The following ADAMTS12 variants were observed in gnomAD, a reference collection of about 807,000 sequenced individuals.
ADAMTS12 encodes the protein A disintegrin and metalloproteinase with thrombospondin motifs 12.
Under a neutral mutation model 167.8 loss-of-function variants are expected in ADAMTS12, and 118 were observed. The observed-to-expected ratio is 0.70, with a 90% CI of 0.61 to 0.82. The LOEUF (loss-of-function observed/expected upper bound fraction) is 0.82, where lower values mean the gene tolerates loss of function less well. Ranked by LOEUF, ADAMTS12 falls within the 40% of genes least tolerant of loss-of-function variation. ADAMTS12 has a pLI of 0.00. For synonymous variants in ADAMTS12, 704 were observed against 716.9 expected, an observed-to-expected ratio of 0.98 and a Z score of 0.29; for missense variants, 1,916 against 1,998.8, an observed-to-expected ratio of 0.96 and a Z score of 0.79.
chr5:33,779,815 G>A (rs1746054497), intron 2 of ADAMTS12, among the ~76,000 whole-genome samples: 1 of 152,198 alleles, frequency 6.6e-6, no homozygotes, highest in South Asian at 2.1e-4. Context: ...AAGGCTGGAG[G>A]ATGAGGGCCA....
rs780799420 is a variant in ADAMTS12, at chr5:33,643,363, G to A, written c.1572+15C>T. The A allele has an allele frequency of 1.7e-5, 28 of 1,613,506 alleles. No individual in the cohort carries two copies. The East Asian group carries it at 5.1e-4, about 30-fold the overall frequency. On this transcript the variant is annotated intron_variant, in intron 10 of 23. Transcript: ENST00000504830. ...CCACCGCCCTCCCACCTCATTCCTC[G>A]GCCTGACGCATCACCTTCTTCTCAC...
At chr5:33,815,173 A>C (rs115056777) in intron 2 of ADAMTS12, among the ~76,000 whole-genome samples, 418 of 152,328 alleles carry the variant, frequency 2.7e-3, no homozygotes, top group African/African-American at 9.7e-3. Flanking sequence ...GCAGGCTAGC[A>C]TCTCTTCCCT....
intron 2 of ADAMTS12, among the ~76,000 whole-genome samples, chr5:33,879,248 C>T (rs1416734244): frequency 6.6e-6 from 1 of 152,056 alleles, no homozygotes; most frequent in Non-Finnish European, 1.5e-5. Context: ...CACACTAGGT[C>T]TGAAGTGCAG....
rs1056367482 is a variant in ADAMTS12, at chr5:33,731,412, G to T, written c.634+19992C>A. ...AGACGACAGCCATGTACACAGCACA[G>T]GAGGCTCTCCTGCTGCCTCATCATG... On this transcript the variant is annotated intron_variant, in intron 3 of 23. Coordinates refer to ENST00000504830, the MANE Select transcript of ADAMTS12 (RefSeq NM_030955.4). 3.9e-5 allele frequency among the ~76,000 whole-genome samples: 6 copies of T among 152,168 alleles called. No individual in the cohort carries two copies. The East Asian group carries it at 1.2e-3, about 29-fold the overall frequency.
chr5:33,641,950 A>G lies in ADAMTS12; in HGVS notation c.1578T>C (p.Cys526=). The change falls in exon 11 of 24, where the codon TGT becomes TGC. Residue 526 remains cysteine, a synonymous_variant. Coordinates refer to ENST00000504830, the MANE Select transcript of ADAMTS12 (RefSeq NM_030955.4). ...DGTQCGEKKW[C]MAGKCITVGK... is the part of the protein sequence containing the mutation. ...CCACTGTGATGCACTTGCCTGCCATACACCACTGGAAAGGGAAGAGGCAGG... is the reference window on the plus strand; with the variant it reads ...CCACTGTGATGCACTTGCCTGCCATGCACCACTGGAAAGGGAAGAGGCAGG... 1 of 1,611,592 alleles carries G rather than the reference A, an allele frequency of 6.2e-7. No homozygotes were observed. The highest frequency in any genetic ancestry group is 1.1e-5 in the South Asian group (1 of 90,788).
intron 19 of ADAMTS12, among the ~76,000 whole-genome samples, chr5:33,561,768 G>A (rs776062921): frequency 1.4e-4 from 21 of 152,180 alleles, no homozygotes; most frequent in Non-Finnish European, 5.9e-5. Context: ...GTGCCAGGGT[G>A]AGATCCTGTC....
chr5:33,751,178 T>G (rs1211756766), intron 3 of ADAMTS12: 1 of 543,916 alleles, frequency 1.8e-6, no homozygotes, highest in Non-Finnish European at 3.2e-6. Context: ...TCATTAAGAA[T>G]ATGCAGAGAC....
chr5:33,726,213 A>G lies in ADAMTS12; in HGVS notation c.634+25191T>C, dbSNP rs551825939. On this transcript the variant is annotated intron_variant, in intron 3 of 23. Transcript: ENST00000504830. ...AAATGCAGCAATCTGGTTGGAAGGG[A>G]AAGTGTCCAGGGGACTAATCATGCC... Among the ~76,000 whole-genome samples, 8 of 152,290 alleles carry G rather than the reference A, an allele frequency of 5.3e-5. 1 individual carries two copies. Among genetic ancestry groups the G allele is most frequent in the Middle Eastern group, 3.4e-3 (1 of 294 alleles).
At chr5:33,811,775 G>A (rs1345851166) in intron 2 of ADAMTS12, among the ~76,000 whole-genome samples, 1 of 152,188 alleles carries the variant, frequency 6.6e-6, no homozygotes, top group African/African-American at 2.4e-5. Flanking sequence ...AAATAAAGTA[G>A]AAGCTGAGAA....
chr5:33,651,162 T>C (rs1740856077), intron 7 of ADAMTS12, among the ~76,000 whole-genome samples: 1 of 152,196 alleles, frequency 6.6e-6, no homozygotes. Flanking sequence ...AGGTTTTCCC[T>C]AGCCTGCTAC....
intron 2 of ADAMTS12, among the ~76,000 whole-genome samples, chr5:33,796,539 T>G (rs934197464): frequency 3.3e-5 from 5 of 152,224 alleles, no homozygotes; most frequent in Non-Finnish European, 7.3e-5. Context: ...CTTCTCTTCT[T>G]ATAGGCAGAT....
In ADAMTS12 at chr5:33,651,171, A is replaced by G. The variant is rs545714907; in HGVS notation, c.1191-1474T>C. Among the ~76,000 whole-genome samples, 23 of 152,338 alleles carry G rather than the reference A, an allele frequency of 1.5e-4. No individual in the cohort carries two copies. In the South Asian group the frequency reaches 4.8e-3, roughly 32 times the overall value. On this transcript the variant is annotated intron_variant, in intron 7 of 23. Transcript: ENST00000504830. ...CTGAGCAGGTTTTCCCTAGCCTGCT[A>G]CAAATCCAGCCCCACCCAGAGCATG...
chr5:33,665,706 TGAA>T (rs376280696), intron 5 of ADAMTS12, among the ~76,000 whole-genome samples: 33 of 152,058 alleles, frequency 2.2e-4, no homozygotes, highest in African/African-American at 8.0e-4. Context: ...TTCAAGAGAC[TGAA>T]GAAGAGACCC....
chr5:33,827,719 ATAGAT>A (rs1748138318), intron 2 of ADAMTS12, among the ~76,000 whole-genome samples: 1 of 64,156 alleles, frequency 1.6e-5, no homozygotes, highest in East Asian at 2.9e-4. Context: ...AAATAGATAG[ATAGAT>A]AGATAGATAG....
At position 33,584,263 on chromosome 5, in the gene ADAMTS12, C is replaced by T. The variant is rs544781978; in HGVS notation, c.2865+4336G>A. 9.2e-5 allele frequency among the ~76,000 whole-genome samples: 14 copies of T among 152,208 alleles called. 1 individual carries two copies. The South Asian group carries it at 2.9e-3, about 32-fold the overall frequency. On this transcript the variant is annotated intron_variant, in intron 18 of 23. Coordinates refer to ENST00000504830, the MANE Select transcript of ADAMTS12 (RefSeq NM_030955.4). Reference sequence around the variant, plus strand: ...ACATACATAATACATAGTAATAATACATACAAAATGCTTGGTATGTATTTC... The same window carrying T: ...ACATACATAATACATAGTAATAATATATACAAAATGCTTGGTATGTATTTC...
intron 6 of ADAMTS12, among the ~76,000 whole-genome samples, chr5:33,661,624 T>C (rs1741263651): frequency 6.6e-6 from 1 of 152,218 alleles, no homozygotes; most frequent in Admixed American, 6.5e-5. Context: ...TTTATAGAGC[T>C]ACATGAAGAA....
intron 2 of ADAMTS12, among the ~76,000 whole-genome samples, chr5:33,847,548 G>A (rs763214734): frequency 3.3e-5 from 5 of 151,998 alleles, no homozygotes; most frequent in Non-Finnish European, 7.4e-5. Context: ...ACCTGAACCC[G>A]GGAGATGGAG....
chr5:33,576,860 C>T lies in ADAMTS12; in HGVS notation c.3166G>A (p.Ala1056Thr). 1 of 1,614,162 alleles carries T rather than the reference C, an allele frequency of 6.2e-7. No individual in the cohort carries two copies. Among genetic ancestry groups the T allele is most frequent in the South Asian group, 1.1e-5 (1 of 91,082 alleles). The change falls in exon 19 of 24, where the codon GCC becomes ACC. Residue 1056 changes from alanine (A) to threonine (T), a missense_variant. By Grantham distance (58) the Ala-to-Thr change is moderately conservative. Transcript: ENST00000504830. ...PAISSPSPTT[A>T]SKEGDLGGKQ... ...CCACCCAGGTCTCCTTCTTTGGAGG[C>T]TGTGGTAGGACTAGGGCTGCTGATT... is the stretch of plus-strand genomic sequence containing the variant.
intron 1 of ADAMTS12, among the ~76,000 whole-genome samples, chr5:33,887,523 G>A (rs1164248931): frequency 6.6e-6 from 1 of 152,134 alleles, no homozygotes; most frequent in African/African-American, 2.4e-5. Flanking sequence ...AGGGTTTGTA[G>A]AAATATTATA....
Sources: gnomAD v4.1 joint callset for allele counts (sites outside exome capture counted in the v4.1 genomes callset) on GRCh38, gnomAD v4.1.1 for gene constraint, MANE v1.5 for transcripts, NCBI Gene and HGNC (gene_info 2026-07-23, HGNC 2026-07-21) for gene names.